The following SLC2A13 variants were observed in gnomAD, a reference collection of about 807,000 sequenced individuals.
SLC2A13 encodes solute carrier family 2 member 13.
SLC2A13 carries 32 observed loss-of-function variants against 64.4 expected under a neutral mutation model. The observed-to-expected ratio is 0.50, with a 90% CI of 0.37 to 0.67. SLC2A13 has a LOEUF of 0.67. Among genes scored for constraint, SLC2A13 ranks in the 30% least tolerant of loss-of-function variants. The probability of loss-of-function intolerance (pLI) is 0.00; values close to 1 mark genes in which losing one functional copy is unlikely to be tolerated. For synonymous variants in SLC2A13, 338 were observed against 327.1 expected (o/e 1.03, Z -0.36); for missense variants, 743 against 829.2 (o/e 0.90, Z 1.28).
intron 1 of SLC2A13, among the ~76,000 whole-genome samples, chr12:40,065,948 AAG>A (rs1205704690): frequency 1.3e-5 from 2 of 152,336 alleles, no homozygotes; most frequent in African/African-American, 4.8e-5. Flanking sequence ...AGTAAATGGC[AAG>A]ACTGTCTAAT....
At chr12:40,036,914 A>G (rs1184661943) in intron 2 of SLC2A13, among the ~76,000 whole-genome samples, 7 of 152,146 alleles carry the variant, frequency 4.6e-5, no homozygotes, top group Admixed American at 4.6e-4. Context: ...TGTGGATGTC[A>G]TCTTCTACTC....
intron 4 of SLC2A13, among the ~76,000 whole-genome samples, chr12:39,902,021 G>T (rs1945131311): frequency 6.6e-6 from 1 of 151,974 alleles, no homozygotes; most frequent in African/African-American, 2.4e-5. Flanking sequence ...CAGAAAAAAG[G>T]ATGAGTTCAT....
chr12:40,067,579 ATTAGTG>A (rs1466653288), intron 1 of SLC2A13, among the ~76,000 whole-genome samples: 1 of 152,118 alleles, frequency 6.6e-6, no homozygotes, highest in African/African-American at 2.4e-5. Flanking sequence ...ATTCTATGCA[ATTAGTG>A]TTAATTTCTA....
chr12:39,892,256 T>C (rs772843685), intron 4 of SLC2A13, among the ~76,000 whole-genome samples: 2 of 152,246 alleles, frequency 1.3e-5, no homozygotes, highest in Non-Finnish European at 2.9e-5. Context: ...CTGCCTGTCT[T>C]GCAGCAAGCT....
At chr12:39,921,006 A>G (rs1292482919) in intron 4 of SLC2A13, among the ~76,000 whole-genome samples, 2 of 152,140 alleles carry the variant, frequency 1.3e-5, no homozygotes, top group Non-Finnish European at 2.9e-5. Context: ...ACAGACAAAG[A>G]GTAGTTCAAA....
chr12:39,984,991 A>G (rs371250943), intron 3 of SLC2A13, among the ~76,000 whole-genome samples: 25 of 152,194 alleles, frequency 1.6e-4, no homozygotes, highest in African/African-American at 5.5e-4. Context: ...CGAGAATATC[A>G]TAACTAGAAT....
chr12:40,061,468 G>A (rs763585526), intron 1 of SLC2A13, among the ~76,000 whole-genome samples: 6 of 151,786 alleles, frequency 4.0e-5, no homozygotes, highest in Non-Finnish European at 5.9e-5. Context: ...AAATATAGAG[G>A]GTCATTCTGG....
At chr12:39,911,056 C>T (rs1945419357) in intron 4 of SLC2A13, among the ~76,000 whole-genome samples, 1 of 151,984 alleles carries the variant, frequency 6.6e-6, no homozygotes, top group Non-Finnish European at 1.5e-5. Context: ...TGCATTCTAG[C>T]CTGGGCAACA....
chr12:39,884,136 G>T lies in SLC2A13; in HGVS notation c.1035-12175C>A, dbSNP rs182201859. ...TCTGTAAACTAAATCTGTATTTTTAGTGTATGTATGTATGTAGAGATGGGG... is the reference window on the plus strand; with the variant it reads ...TCTGTAAACTAAATCTGTATTTTTATTGTATGTATGTATGTAGAGATGGGG... On this transcript the variant is annotated intron_variant, in intron 4 of 9. Coordinates refer to ENST00000280871, the MANE Select transcript of SLC2A13 (RefSeq NM_052885.4). 1.1e-4 allele frequency among the ~76,000 whole-genome samples: 17 copies of T among 152,182 alleles called. 1 individual carries two copies. The highest frequency in any genetic ancestry group is 1.1e-3 in the Admixed American group (17 of 15,278).
chr12:40,105,599 C>T lies in SLC2A13; in HGVS notation c.210G>A (p.Arg70=), dbSNP rs201652147. 83 of 1,525,622 alleles carry T rather than the reference C, an allele frequency of 5.4e-5. No individual in the cohort carries two copies. In the African/African-American group the frequency reaches 1.1e-3, roughly 20 times the overall value. The allele number at this position is 1,525,622 out of a possible 1,614,324, so 94.5% of individuals were successfully genotyped here. ...CGGGGGTCTCGTCCTGCTGGAACTG[C>T]CGCCGCGCCGCGCGCTCCAGGTCCC... ...GVGDLERAAR[R]QFQQDETPAF... is the part of the protein sequence containing the mutation. The change falls in exon 1 of 10, where the codon CGG becomes CGA. Residue 70 remains arginine (R), a synonymous_variant. Coordinates refer to ENST00000280871, the MANE Select transcript of SLC2A13 (RefSeq NM_052885.4). This position sits in a 1 kb window ranked among gnomAD's most constrained non-coding sequence, Gnocchi z 4.2.
In SLC2A13 at chr12:39,755,095, A is replaced by G. The variant is rs1380371166; in HGVS notation, c.*4931T>C. 1 of 152,048 alleles carries G rather than the reference A, an allele frequency of 6.6e-6. No individual in the cohort carries two copies. Among genetic ancestry groups the G allele is most frequent in the Non-Finnish European group, 1.5e-5 (1 of 67,938 alleles). 9.4% of individuals were successfully genotyped at this position (152,048 alleles called of 1,614,324 possible). ...AGTTCTGGCACTGACACTTTTTTTA[A>G]AAAAAGATTTTAATTTTATGTAAAG... On this transcript the variant is annotated 3_prime_UTR_variant, in exon 10 of 10. Coordinates refer to ENST00000280871, the MANE Select transcript of SLC2A13 (RefSeq NM_052885.4).
intron 1 of SLC2A13, among the ~76,000 whole-genome samples, chr12:40,073,312 A>G (rs998691220): frequency 6.6e-6 from 1 of 152,068 alleles, no homozygotes; most frequent in Non-Finnish European, 1.5e-5. Flanking sequence ...CCAAAACTGA[A>G]AAGCAAGGAG....
At chr12:40,043,835 A>G (rs1460951220) in intron 2 of SLC2A13, among the ~76,000 whole-genome samples, 1 of 152,210 alleles carries the variant, frequency 6.6e-6, no homozygotes, top group Non-Finnish European at 1.5e-5. Context: ...TAATCAAAAA[A>G]GACAAATAAC....
At chr12:39,777,862 G>C (rs1399551142) in intron 7 of SLC2A13, among the ~76,000 whole-genome samples, 3 of 152,212 alleles carry the variant, frequency 2.0e-5, no homozygotes, top group African/African-American at 4.8e-5. Context: ...GTCCACGTGT[G>C]ATCTGATTCT....
At chr12:40,076,277 G>A (rs1182571650) in intron 1 of SLC2A13, among the ~76,000 whole-genome samples, 2 of 152,108 alleles carry the variant, frequency 1.3e-5, no homozygotes, top group East Asian at 3.8e-4. Context: ...CATAGTACCT[G>A]ATAGGTAGTT....
intron 6 of SLC2A13, among the ~76,000 whole-genome samples, chr12:39,831,249 TA>T (rs1235078215): frequency 2.6e-5 from 4 of 152,278 alleles, no homozygotes; most frequent in African/African-American, 9.6e-5. Context: ...CCATTCATTT[TA>T]ACGATGAGAG....
chr12:39,782,794 G>A (rs917964533), intron 7 of SLC2A13, among the ~76,000 whole-genome samples: 9 of 152,270 alleles, frequency 5.9e-5, no homozygotes, highest in African/African-American at 2.2e-4. Context: ...TGAACAATAA[G>A]GTCCAGGCTG....
chr12:39,945,106 C>A (rs1946112363), intron 4 of SLC2A13, among the ~76,000 whole-genome samples: 1 of 152,132 alleles, frequency 6.6e-6, no homozygotes, highest in South Asian at 2.1e-4. Flanking sequence ...CTGTATCCTT[C>A]CTTCATATAT....
intron 2 of SLC2A13, among the ~76,000 whole-genome samples, chr12:40,033,372 A>G (rs1947932683): frequency 6.6e-6 from 1 of 152,262 alleles, no homozygotes; most frequent in South Asian, 2.1e-4. Context: ...TGTTAAATGC[A>G]GTAAAACACT....
Sources: gnomAD v4.1 joint callset for allele counts (sites outside exome capture counted in the v4.1 genomes callset) on GRCh38, gnomAD v4.1.1 for gene constraint, Gnocchi (gnomAD v3.1) non-coding constraint, MANE v1.5 for transcripts, NCBI Gene and HGNC (gene_info 2026-07-23, HGNC 2026-07-21) for gene names.